The following CTNND2 variants were observed in gnomAD, a reference collection of about 807,000 sequenced individuals.
CTNND2 encodes catenin delta-2.
Under a neutral mutation model 144.4 loss-of-function variants are expected in CTNND2, and 22 were observed. The ratio of observed to expected loss-of-function variants is 0.15; its 90% CI spans 0.11 to 0.22. The LOEUF is 0.22. CTNND2 is among the 10% of genes least tolerant of loss of function. The pLI is 1.00. For synonymous variants in CTNND2, 751 were observed against 695.6 expected, an observed-to-expected ratio of 1.08 and a Z score of -1.25; for missense variants, 1,353 against 1,618.8, an observed-to-expected ratio of 0.84 and a Z score of 2.82.
rs553595559 is a variant in CTNND2, at chr5:11,199,300, AGTT to A, written c.1975+145_1975+147del. 1.2e-3 allele frequency: 748 copies of A among 635,300 alleles called. 10 individuals carry two copies. Among genetic ancestry groups the A allele is most frequent in the Non-Finnish European group, 3.0e-4 (110 of 369,808 alleles). The allele number at this position is 635,300 out of a possible 1,614,324, so 39.4% of individuals were successfully genotyped here. ...TGTCACATCTGATACCATTTTCTTC[AGTT>A]GTTTACTCATTTGAAAACACATATT... On this transcript the variant is annotated intron_variant, in intron 11 of 21. Transcript: ENST00000304623.
chr5:11,668,622 G>C (rs1472227737), intron 2 of CTNND2, among the ~76,000 whole-genome samples: 7 of 152,190 alleles, frequency 4.6e-5, no homozygotes, highest in Non-Finnish European at 8.8e-5. Flanking sequence ...TTTGTATCCT[G>C]AGACTTTGCT....
intron 20 of CTNND2, among the ~76,000 whole-genome samples, chr5:10,984,498 C>T (rs2062685): frequency 0.15 from 22,700 of 151,854 alleles, 1,713 homozygotes; most frequent in East Asian, 0.17. Context: ...GACACTGAGA[C>T]GCTCTCACCA....
rs150471385 is a variant in CTNND2, at chr5:11,063,341, A to C, written c.2788+19355T>G. ...GTGAATGCATTTCCAATACAATTTT[A>C]CATTTTATATTGAATAACTTTAATC... is the stretch of plus-strand genomic sequence containing the variant. On this transcript the variant is annotated intron_variant, in intron 16 of 21. Coordinates refer to ENST00000304623, the MANE Select transcript of CTNND2 (RefSeq NM_001332.4). 5.4e-4 allele frequency among the ~76,000 whole-genome samples: 82 copies of C among 152,318 alleles called. 1 individual carries two copies. Among genetic ancestry groups the C allele is most frequent in the African/African-American group, 1.6e-3 (65 of 41,576 alleles).
chr5:11,077,357 C>T (rs997735895), intron 16 of CTNND2, among the ~76,000 whole-genome samples: 3 of 151,996 alleles, frequency 2.0e-5, no homozygotes, highest in African/African-American at 7.2e-5. Context: ...ATTTTAAGTA[C>T]GGTGGCCTGA....
chr5:11,198,988 T>C (rs571933550), intron 11 of CTNND2, among the ~76,000 whole-genome samples: 1 of 152,354 alleles, frequency 6.6e-6, no homozygotes, highest in South Asian at 2.1e-4. Flanking sequence ...CCTTAATATG[T>C]AATAATTGTG....
At chr5:11,574,959 TCC>T (rs1777862791) in intron 2 of CTNND2, among the ~76,000 whole-genome samples, 1 of 152,226 alleles carries the variant, frequency 6.6e-6, no homozygotes, top group Admixed American at 6.5e-5. Flanking sequence ...CTCTTCTCTA[TCC>T]TTTCCTTGTT....
intron 1 of CTNND2, among the ~76,000 whole-genome samples, chr5:11,901,595 A>G (rs2126349991): frequency 6.6e-6 from 1 of 152,350 alleles, no homozygotes; most frequent in East Asian, 1.9e-4. Flanking sequence ...ATCTATAATG[A>G]CTGGGTTATA....
At chr5:11,685,609 T>C (rs1429912411) in intron 2 of CTNND2, among the ~76,000 whole-genome samples, 1 of 152,220 alleles carries the variant, frequency 6.6e-6, no homozygotes, top group African/African-American at 2.4e-5. Flanking sequence ...ACTCTCTTAA[T>C]ATGGAAACTC....
At chr5:11,715,509 G>T (rs2126704242) in intron 2 of CTNND2, among the ~76,000 whole-genome samples, 1 of 152,276 alleles carries the variant, frequency 6.6e-6, no homozygotes, top group Non-Finnish European at 1.5e-5. Context: ...TTTTAAGAAA[G>T]GAAAAGATCC....
chr5:11,252,323 A>G (rs1233420339), intron 9 of CTNND2, among the ~76,000 whole-genome samples: 1 of 152,170 alleles, frequency 6.6e-6, no homozygotes, highest in Non-Finnish European at 1.5e-5. Context: ...CAGTGTAACA[A>G]GCAGCTCTTT....
chr5:11,441,931 T>C (rs1479231819), intron 3 of CTNND2, among the ~76,000 whole-genome samples: 1 of 152,238 alleles, frequency 6.6e-6, no homozygotes, highest in African/African-American at 2.4e-5. Context: ...ACATAAAAAT[T>C]ACAGTAGCAA....
At chr5:11,160,712 T>C (rs868225516) in intron 11 of CTNND2, among the ~76,000 whole-genome samples, 3 of 152,208 alleles carry the variant, frequency 2.0e-5, no homozygotes, top group Admixed American at 6.5e-5. Flanking sequence ...TAAAACACTA[T>C]AGTTGTCTTT....
intron 9 of CTNND2, among the ~76,000 whole-genome samples, chr5:11,250,456 G>GCGCTCT (rs1554012557): frequency 1.4e-5 from 1 of 73,166 alleles, no homozygotes; most frequent in Non-Finnish European, 2.4e-5. Context: ...TTTAAAGGGT[G>GCGCTCT]CTCTCTCTCT....
At chr5:11,543,256 G>A (rs781716859) in intron 3 of CTNND2, among the ~76,000 whole-genome samples, 12 of 152,290 alleles carry the variant, frequency 7.9e-5, no homozygotes, top group Non-Finnish European at 1.3e-4. Flanking sequence ...AATATAACAG[G>A]AACTAATCAG....
At chr5:11,877,419 T>C (rs897752887) in intron 1 of CTNND2, among the ~76,000 whole-genome samples, 1 of 152,118 alleles carries the variant, frequency 6.6e-6, no homozygotes, top group African/African-American at 2.4e-5. Flanking sequence ...TTTCTGAAAT[T>C]CATTATGATG....
chr5:11,205,365 G>A (rs2149837178), intron 10 of CTNND2, among the ~76,000 whole-genome samples: 2 of 152,242 alleles, frequency 1.3e-5, no homozygotes, highest in South Asian at 4.1e-4. Flanking sequence ...AGGGAATGCG[G>A]TGATTTTTTT....
At chr5:11,758,925 A>T (rs958316882) in intron 1 of CTNND2, among the ~76,000 whole-genome samples, 5 of 151,990 alleles carry the variant, frequency 3.3e-5, no homozygotes, top group African/African-American at 1.2e-4. Flanking sequence ...CTAATACATA[A>T]ATTATTCCTG....
At chr5:11,172,632 AAAACAAGAAAGC>A (rs1482691042) in intron 11 of CTNND2, among the ~76,000 whole-genome samples, 1 of 152,220 alleles carries the variant, frequency 6.6e-6, no homozygotes, top group African/African-American at 2.4e-5. Context: ...GATAGAGGAT[AAAACAAGAAAGC>A]AAACACATGT....
chr5:11,008,389 G>A lies in CTNND2; in HGVS notation c.3084+9585C>T, dbSNP rs1028571587. The stretch of plus-strand genomic sequence containing the variant: ...TGGGGGGTCACAGAGCAGGCAGTAC[G>A]ACAACATAAGCAAAGAAATTTCAAA... On this transcript the variant is annotated intron_variant, in intron 18 of 21. Transcript: ENST00000304623. 2.0e-5 allele frequency among the ~76,000 whole-genome samples: 3 copies of A among 152,272 alleles called. No homozygotes were observed. In the South Asian group the frequency reaches 6.2e-4, roughly 32 times the overall value.
Sources: allele counts gnomAD v4.1 joint callset (sites outside exome capture counted in the v4.1 genomes callset), GRCh38; gene constraint gnomAD v4.1.1; transcripts MANE v1.5; gene names NCBI Gene and HGNC (gene_info 2026-07-23, HGNC 2026-07-21).